The following PXDNL variants were observed in gnomAD, a reference collection of about 807,000 sequenced individuals.
PXDNL encodes peroxidasin like, also known as probable oxidoreductase PXDNL.
PXDNL carries 145 observed loss-of-function variants against 150.8 expected under a neutral mutation model. The observed-to-expected ratio is 0.96, with a 90% confidence interval of 0.84 to 1.10. The LOEUF is 1.10. Ranked by LOEUF, PXDNL falls within the 50% of genes least tolerant of loss-of-function variation. The probability of loss-of-function intolerance (pLI) is 0.00; values close to 1 mark genes in which losing one functional copy is unlikely to be tolerated. For missense variants in PXDNL, 2,087 were observed against 1,873.9 expected (o/e 1.11, Z -2.10); for synonymous variants, 757 against 725.7 (o/e 1.04, Z -0.69).
chr8:51,543,214 A>G (rs1812260320), intron 4 of PXDNL, among the ~76,000 whole-genome samples: 1 of 152,176 alleles, frequency 6.6e-6, no homozygotes, highest in Non-Finnish European at 1.5e-5. Flanking sequence ...GTTCAAACTC[A>G]GGTCTGTTTG....
chr8:51,799,236 G>C (rs1477122911), intron 1 of PXDNL, among the ~76,000 whole-genome samples: 1 of 152,042 alleles, frequency 6.6e-6, no homozygotes, highest in African/African-American at 2.4e-5. Context: ...GGAGCCTGTG[G>C]GGGCAGGGCA....
At chr8:51,322,961 A>C (rs1805373962) in intron 21 of PXDNL, among the ~76,000 whole-genome samples, 1 of 152,208 alleles carries the variant, frequency 6.6e-6, no homozygotes, top group Admixed American at 6.5e-5. Context: ...TTAGGTGAGC[A>C]GTGAGAATGG....
At chr8:51,611,678 C>T (rs1406254278) in intron 2 of PXDNL, among the ~76,000 whole-genome samples, 4 of 152,036 alleles carry the variant, frequency 2.6e-5, no homozygotes, top group African/African-American at 4.8e-5. Context: ...GGAGGGAGCA[C>T]GGCACTCTGG....
chr8:51,649,074 A>G (rs1240791017), intron 2 of PXDNL, among the ~76,000 whole-genome samples: 2 of 152,232 alleles, frequency 1.3e-5, no homozygotes, highest in East Asian at 1.9e-4. Context: ...GGGTGCAAAC[A>G]TTTCATCATT....
intron 5 of PXDNL, among the ~76,000 whole-genome samples, chr8:51,497,787 G>A (rs1008162044): frequency 1.3e-5 from 2 of 152,208 alleles, no homozygotes; most frequent in African/African-American, 4.8e-5. Context: ...AACAACAGGT[G>A]CTGGAGAGGA....
chr8:51,784,316 G>T (rs1450409666), intron 1 of PXDNL, among the ~76,000 whole-genome samples: 1 of 152,202 alleles, frequency 6.6e-6, no homozygotes, highest in Admixed American at 6.5e-5. Context: ...TATTTTATCA[G>T]TCAAAACTAA....
chr8:51,762,291 T>A (rs2037173846), intron 1 of PXDNL, among the ~76,000 whole-genome samples: 1 of 152,222 alleles, frequency 6.6e-6, no homozygotes, highest in Admixed American at 6.5e-5. Flanking sequence ...TTCCTTGCCA[T>A]ACCTTGAAAT....
intron 19 of PXDNL, among the ~76,000 whole-genome samples, chr8:51,366,598 A>G (rs76062714): frequency 0.011 from 1,707 of 151,836 alleles, 28 homozygotes; most frequent in African/African-American, 0.039. Flanking sequence ...TATAATGCAT[A>G]TGCAAATAAT....
chr8:51,322,191 A>G (rs778833288), intron 21 of PXDNL, among the ~76,000 whole-genome samples: 1 of 152,204 alleles, frequency 6.6e-6, no homozygotes, highest in Non-Finnish European at 1.5e-5. Flanking sequence ...AAACTGTTTT[A>G]AGTTACCCAT....
chr8:51,654,866 T>C, intron 1 of PXDNL, 106 bp from the exon 2 acceptor site: 1 of 798,146 alleles, frequency 1.3e-6, no homozygotes, highest in Admixed American at 2.1e-5. Context: ...AAACATACAG[T>C]ACTAAAGGAC....
chr8:51,803,299 G>C (rs17196182), intron 1 of PXDNL, among the ~76,000 whole-genome samples: 9,404 of 152,202 alleles, frequency 0.062, 384 homozygotes, highest in Non-Finnish European at 0.088. Flanking sequence ...GAAACTGCGA[G>C]GTCCAGTAGA....
intron 4 of PXDNL, among the ~76,000 whole-genome samples, chr8:51,514,147 T>A (rs1354050942): frequency 6.6e-6 from 1 of 152,246 alleles, no homozygotes; most frequent in African/African-American, 2.4e-5. Context: ...CATATTTGCA[T>A]TGCATTGAGA....
chr8:51,489,387 T>C (rs918807497), intron 5 of PXDNL, among the ~76,000 whole-genome samples: 1 of 152,166 alleles, frequency 6.6e-6, no homozygotes, highest in African/African-American at 2.4e-5. Flanking sequence ...CCAATCATGG[T>C]TCATTGCAGC....
At chr8:51,636,541 A>G (rs1261754566) in intron 2 of PXDNL, among the ~76,000 whole-genome samples, 1 of 152,202 alleles carries the variant, frequency 6.6e-6, no homozygotes, top group African/African-American at 2.4e-5. Context: ...TGTGTTCTGT[A>G]CATAAGCAAT....
intron 1 of PXDNL, among the ~76,000 whole-genome samples, chr8:51,789,681 T>C (rs1277408683): frequency 6.6e-6 from 1 of 152,164 alleles, no homozygotes; most frequent in African/African-American, 2.4e-5. Flanking sequence ...TTTTGCACTC[T>C]GCTTGCACTT....
intron 2 of PXDNL, among the ~76,000 whole-genome samples, chr8:51,625,040 T>G (rs1309700839): frequency 6.6e-6 from 1 of 152,112 alleles, no homozygotes; most frequent in Non-Finnish European, 1.5e-5. Context: ...TATTCCTAAA[T>G]CCTGGGGGAT....
intron 4 of PXDNL, among the ~76,000 whole-genome samples, chr8:51,554,523 G>T (rs4873563): frequency 0.29 from 44,797 of 152,026 alleles, 8,242 homozygotes; most frequent in African/African-American, 0.51. Flanking sequence ...TAATTATAAA[G>T]GTCATCTTTA....
intron 4 of PXDNL, among the ~76,000 whole-genome samples, chr8:51,535,234 G>A (rs911220062): frequency 7.5e-6 from 1 of 133,406 alleles, no homozygotes; most frequent in Non-Finnish European, 1.5e-5. Flanking sequence ...CGGCTCATTG[G>A]GGATGGGCCA....
intron 1 of PXDNL, among the ~76,000 whole-genome samples, chr8:51,794,832 G>T (rs1374329101): frequency 6.6e-6 from 1 of 152,086 alleles, no homozygotes; most frequent in Non-Finnish European, 1.5e-5. Context: ...AATGTAAATG[G>T]ACTAATTGTC....
Sources: gnomAD v4.1 joint callset for allele counts (sites outside exome capture counted in the v4.1 genomes callset) on GRCh38, gnomAD v4.1.1 for gene constraint, MANE v1.5 for transcripts, NCBI Gene and HGNC (gene_info 2026-07-23, HGNC 2026-07-21) for gene names.